The following ADAMTS13 variants were observed in gnomAD, a reference collection of about 807,000 sequenced individuals.
ADAMTS13 encodes ADAM metallopeptidase with thrombospondin type 1 motif 13, also known as A disintegrin and metalloproteinase with thrombospondin motifs 13.
ADAMTS13 carries 110 observed loss-of-function variants against 155.1 expected under a neutral mutation model. The observed-to-expected ratio is 0.71, with a 90% confidence interval of 0.61 to 0.83. ADAMTS13 has a LOEUF of 0.83. Ranked by LOEUF, ADAMTS13 falls within the 40% of genes least tolerant of loss-of-function variation. The pLI is 0.00. For missense variants in ADAMTS13, 1,707 were observed against 1,891.7 expected (o/e 0.90, Z 1.81); for synonymous variants, 758 against 756.4 (o/e 1.00, Z -0.03).
chr9:133,426,197 A>G lies in ADAMTS13; in HGVS notation c.540-2A>G. 1 of 1,613,992 alleles carries G rather than the reference A, an allele frequency of 6.2e-7. No homozygotes were observed. On this transcript the variant is annotated splice_acceptor_variant, in intron 5 of 28. Transcript: ENST00000355699. LOFTEE classifies it high-confidence loss of function. ...CCCAAGTGACTGTTTTCTCTCACCG[A>G]GGTTTGACCTGGAGTTGCCTGATGG...
At chr9:133,436,639 T>A (rs1374697153) in intron 11 of ADAMTS13, among the ~76,000 whole-genome samples, 190 bp from the exon 12 acceptor site, 1 of 152,052 alleles carries the variant, frequency 6.6e-6, no homozygotes, top group African/African-American at 2.4e-5. Context: ...TCCCCGGGGT[T>A]TTCCCATCAA....
rs944153090 is a variant in ADAMTS13, at chr9:133,425,878, G to A, written c.415-60G>A. 92 of 1,607,444 alleles carry A rather than the reference G, an allele frequency of 5.7e-5. No individual in the cohort carries two copies. The highest frequency in any genetic ancestry group is 1.6e-4 in the Middle Eastern group (1 of 6,070). ...GGACTAACTGGGAAACAAACCGACC[G>A]CAGTCAGCACCGTGCCTGGTTGGGG... On this transcript the variant is annotated intron_variant, in intron 4 of 28. Coordinates refer to ENST00000355699, the MANE Select transcript of ADAMTS13 (RefSeq NM_139027.6). The surrounding 1 kb of genome is among the most constrained non-coding windows in gnomAD (Gnocchi z 4.6).
chr9:133,418,770 C>T (rs111587591), upstream of ADAMTS13, among the ~76,000 whole-genome samples: 8,450 of 152,310 alleles, frequency 0.055, 287 homozygotes, highest in African/African-American at 0.097. Context: ...GATAACATAA[C>T]CGGTTAGGTC....
intron 6 of ADAMTS13, among the ~76,000 whole-genome samples, chr9:133,428,191 G>A (rs587687711): frequency 6.6e-6 from 1 of 152,194 alleles, no homozygotes; most frequent in Non-Finnish European, 1.5e-5. Flanking sequence ...CAATGGCCAA[G>A]GGCAAGCACG....
chr9:133,458,142 C>T lies in ADAMTS13; in HGVS notation c.3909+48C>T, dbSNP rs782648172. The T allele has an allele frequency of 4.4e-6, 7 of 1,600,504 alleles. No homozygotes were observed. In the South Asian group the frequency reaches 7.8e-5, roughly 18 times the overall value. On this transcript the variant is annotated intron_variant, in intron 28 of 28. Transcript: ENST00000355699. ...GTGCTGTGATTCTGGACAGCTTTCC[C>T]TAGGGCGTGCAGGGCTAGGGGACCC...
At position 133,434,459 on chromosome 9, in the gene ADAMTS13, C is replaced by G. The variant is rs587666033; in HGVS notation, c.1308+755C>G. On this transcript the variant is annotated intron_variant, in intron 11 of 28. Transcript: ENST00000355699. ...TAGCTGGGACTACAGGTGCCCGCCACCACGCCCGGCTAATTTTTTGTATTT... is the reference window on the plus strand; with the variant it reads ...TAGCTGGGACTACAGGTGCCCGCCAGCACGCCCGGCTAATTTTTTGTATTT... 5.9e-5 allele frequency among the ~76,000 whole-genome samples: 9 copies of G among 152,208 alleles called. No individual in the cohort carries two copies. The South Asian group carries it at 1.9e-3, about 32-fold the overall frequency.
chr9:133,428,654 G>C lies in ADAMTS13; in HGVS notation c.707G>C (p.Gly236Ala). The C allele has an allele frequency of 7.4e-7, 1 of 1,349,108 alleles. No homozygotes were observed. Among genetic ancestry groups the C allele is most frequent in the East Asian group, 3.4e-5 (1 of 29,182 alleles). 83.6% of individuals were successfully genotyped at this position (1,349,108 alleles called of 1,614,324 possible). A position where few individuals can be genotyped will look rare whatever the true frequency, so the allele number is the denominator to read the frequency against. The stretch of plus-strand genomic sequence containing the variant: ...ACCAGCTTCGGCCTGGAGCACGACG[G>C]CGCGCCCGGCAGCGGCTGCGGCCCC... ...IGHSFGLEHD[G>A]APGSGCGPSG... The change falls in exon 7 of 29, where the codon GGC becomes GCC. Residue 236 changes from glycine to alanine, a missense_variant. This residue lies in a region of ADAMTS13 where 733 missense variants were observed against 749.6 expected (regional missense o/e 0.98). Transcript: ENST00000355699.
At chr9:133,419,474 C>G (rs1387267884), upstream of ADAMTS13, among the ~76,000 whole-genome samples, 1 of 152,120 alleles carries the variant, frequency 6.6e-6, no homozygotes, top group Non-Finnish European at 1.5e-5. Flanking sequence ...GTTAGTTCAT[C>G]CAAAGAGAGA....
At chr9:133,455,727 C>A in intron 25 of ADAMTS13, 2 of 1,304,272 alleles carry the variant, frequency 1.5e-6, no homozygotes, top group South Asian at 1.2e-5. Flanking sequence ...AGGCCGGGAT[C>A]AGGGCTGGCC....
chr9:133,432,793 G>T, intron 9 of ADAMTS13, 101 bp downstream of exon 9: 2 of 1,169,440 alleles, frequency 1.7e-6, no homozygotes, highest in Non-Finnish European at 2.5e-6. Context: ...GGACCAGTAT[G>T]GGGCAGAGAG....
At chr9:133,420,291 G>A (rs916046978), upstream of ADAMTS13, among the ~76,000 whole-genome samples, 4 of 152,194 alleles carry the variant, frequency 2.6e-5, no homozygotes, top group South Asian at 4.1e-4. Context: ...CGCGTGCCTC[G>A]TGATCCACCT....
intron 23 of ADAMTS13, 36 bp from the exon 24 acceptor site, chr9:133,454,379 G>A: frequency 1.9e-6 from 3 of 1,611,092 alleles, no homozygotes; most frequent in Non-Finnish European, 2.5e-6. Context: ...TCTCTGGGGA[G>A]ACCTAGCCTC....
At position 133,433,662 on chromosome 9, in the gene ADAMTS13, A is replaced by G. The variant is rs781796744; in HGVS notation, c.1266A>G (p.Ala422=). 2 of 1,613,772 alleles carry G rather than the reference A, an allele frequency of 1.2e-6. No individual in the cohort carries two copies. The highest frequency in any genetic ancestry group is 1.7e-6 in the Non-Finnish European group (2 of 1,179,996). ...TCAGACCTGCCTTTGGGGGGCGTGC[A>G]TGTGTTGGTGCTGACCTCCAGGCCG... is the stretch of plus-strand genomic sequence containing the variant. ...NNPRPAFGGR[A]CVGADLQAEM... is the part of the protein sequence containing the mutation. The change falls in exon 11 of 29, where the codon GCA becomes GCG. Residue 422 remains alanine (A), a synonymous_variant. Transcript: ENST00000355699.
At chr9:133,430,302 T>A in intron 8 of ADAMTS13, 1 of 784,098 alleles carries the variant, frequency 1.3e-6, no homozygotes, top group Non-Finnish European at 2.1e-6. Flanking sequence ...AACATTTTTG[T>A]TTGACTGGGC....
chr9:133,440,236 C>T lies in ADAMTS13; in HGVS notation c.1787-108C>T, dbSNP rs1321216443. 1.2e-5 allele frequency: 17 copies of T among 1,407,064 alleles called. No individual in the cohort carries two copies. The highest frequency in any genetic ancestry group is 1.4e-5 in the African/African-American group (1 of 70,760). 87.2% of individuals were successfully genotyped at this position (1,407,064 alleles called of 1,614,324 possible). A position where few individuals can be genotyped will look rare whatever the true frequency, so the allele number is the denominator to read the frequency against. On this transcript the variant is annotated intron_variant, in intron 15 of 28. Coordinates refer to ENST00000355699, the MANE Select transcript of ADAMTS13 (RefSeq NM_139027.6). This position sits in a 1 kb window ranked among gnomAD's most constrained non-coding sequence, Gnocchi z 4.3. ...AAGCCTCTAGCTCAGATGCCTGTGG[C>T]TCCTTAGAGGAGGGCTGGGGACCCC...
intron 6 of ADAMTS13, among the ~76,000 whole-genome samples, chr9:133,427,138 C>T (rs1480956974): frequency 6.6e-6 from 1 of 152,154 alleles, no homozygotes; most frequent in Non-Finnish European, 1.5e-5. Context: ...GCAGGATTTA[C>T]CTGTTCTTTA....
At chr9:133,429,319 C>A (rs1251817347) in intron 7 of ADAMTS13, among the ~76,000 whole-genome samples, 1 of 137,280 alleles carries the variant, frequency 7.3e-6, no homozygotes, top group African/African-American at 2.8e-5. Context: ...CGCCCCCTTG[C>A]GCCCACACTT....
chr9:133,447,406 C>A (rs985019428), intron 21 of ADAMTS13, among the ~76,000 whole-genome samples: 1 of 152,182 alleles, frequency 6.6e-6, no homozygotes, highest in East Asian at 1.9e-4. Context: ...ATCCTCCCCC[C>A]TCAGCCTCCT....
chr9:133,449,911 G>A lies in ADAMTS13; in HGVS notation c.2990G>A (p.Gly997Glu), dbSNP rs1842327904. ...EEILLDTQCQ[G>E]LPRPEPQEAC... Reference sequence around the variant, plus strand: ...ATCCTGTTGGACACCCAGTGCCAGGGGCTGCCTCGCCCGGAACCCCAGGAG... The same window carrying A: ...ATCCTGTTGGACACCCAGTGCCAGGAGCTGCCTCGCCCGGAACCCCAGGAG... Residue 997 changes from glycine to glutamate, a missense_variant, in exon 23 of 29, where the codon GGG (glycine) becomes GAG (glutamate). This residue lies in a region of ADAMTS13 where 961 missense variants were observed against 1,107.9 expected (regional missense o/e 0.87). Transcript: ENST00000355699. The A allele has an allele frequency of 6.2e-7, 1 of 1,613,052 alleles. No individual in the cohort carries two copies. Among genetic ancestry groups the A allele is most frequent in the African/African-American group, 1.3e-5 (1 of 74,914 alleles).
Sources: gnomAD v4.1 joint callset for allele counts (sites outside exome capture counted in the v4.1 genomes callset) on GRCh38, gnomAD v4.1.1 for gene constraint, gnomAD v4.1.1 regional missense constraint, Gnocchi (gnomAD v3.1) non-coding constraint, MANE v1.5 for transcripts, NCBI Gene and HGNC (gene_info 2026-07-23, HGNC 2026-07-21) for gene names.